The following CPE variants were observed in gnomAD, a reference collection of about 807,000 sequenced individuals.
CPE encodes the protein carbocypeptidase E.
Under a neutral mutation model 53.5 loss-of-function variants are expected in CPE, and 17 were observed. That is an observed-to-expected ratio of 0.32 (90% confidence interval 0.22 to 0.48). The LOEUF is 0.48. CPE is among the 20% of genes least tolerant of loss of function. The probability of loss-of-function intolerance (pLI) is 0.99; values close to 1 mark genes in which losing one functional copy is unlikely to be tolerated. For synonymous variants in CPE, 226 were observed against 228.8 expected, an observed-to-expected ratio of 0.99 and a Z score of 0.11; for missense variants, 524 against 614.7, an observed-to-expected ratio of 0.85 and a Z score of 1.56.
At chr4:165,473,274 A>G (rs547772425) in intron 3 of CPE, among the ~76,000 whole-genome samples, 2 of 152,352 alleles carry the variant, frequency 1.3e-5, no homozygotes, top group Admixed American at 6.5e-5. Context: ...AGAATTTACC[A>G]TACAAGATCC....
At chr4:165,433,460 A>G (rs946686390) in intron 1 of CPE, among the ~76,000 whole-genome samples, 4 of 152,176 alleles carry the variant, frequency 2.6e-5, no homozygotes, top group Non-Finnish European at 4.4e-5. Flanking sequence ...GACTACCACA[A>G]TATCCTCTGA....
chr4:165,431,710 A>T (rs1731411944), intron 1 of CPE, among the ~76,000 whole-genome samples: 1 of 152,142 alleles, frequency 6.6e-6, no homozygotes, highest in African/African-American at 2.4e-5. Context: ...AACTTTTGGA[A>T]CTTTTTGGCA....
chr4:165,479,166 T>A (rs1463402796), intron 3 of CPE, among the ~76,000 whole-genome samples: 2 of 152,206 alleles, frequency 1.3e-5, no homozygotes, highest in Non-Finnish European at 2.9e-5. Flanking sequence ...ATAATATTCA[T>A]GTCATGTTAG....
chr4:165,468,099 A>G (rs1732140775), intron 3 of CPE, among the ~76,000 whole-genome samples: 1 of 152,142 alleles, frequency 6.6e-6, no homozygotes, highest in Admixed American at 6.5e-5. Context: ...TAGGTTTCTT[A>G]GAAAATCACC....
chr4:165,468,342 T>C (rs1274583830), intron 3 of CPE, among the ~76,000 whole-genome samples: 1 of 152,144 alleles, frequency 6.6e-6, no homozygotes, highest in Admixed American at 6.5e-5. Flanking sequence ...CGTTATTTGC[T>C]TCCCTGGGCT....
chr4:165,387,151 G>T (rs1730606941), intron 1 of CPE, among the ~76,000 whole-genome samples: 1 of 152,164 alleles, frequency 6.6e-6, no homozygotes, highest in Non-Finnish European at 1.5e-5. Context: ...TAAGAGAAGA[G>T]CCTGTTTGTG....
intron 1 of CPE, among the ~76,000 whole-genome samples, chr4:165,440,013 C>T (rs1449489152): frequency 6.6e-6 from 1 of 152,196 alleles, no homozygotes; most frequent in Non-Finnish European, 1.5e-5. Context: ...CAAAGATCAT[C>T]ATTTGCATAG....
At chr4:165,464,322 T>C in intron 1 of CPE, 68 bp from the exon 2 acceptor site, 1 of 1,210,022 alleles carries the variant, frequency 8.3e-7, no homozygotes, top group Non-Finnish European at 1.1e-6. Context: ...AATACATTTG[T>C]AGGTATACAA....
chr4:165,383,563 A>G (rs564557716), intron 1 of CPE, among the ~76,000 whole-genome samples: 23 of 152,320 alleles, frequency 1.5e-4, no homozygotes, highest in African/African-American at 5.5e-4. Flanking sequence ...TATCTCAAAA[A>G]CATTCTTTAG....
chr4:165,447,481 G>GA (rs1280183587), intron 1 of CPE, among the ~76,000 whole-genome samples: 2 of 151,780 alleles, frequency 1.3e-5, no homozygotes, highest in Non-Finnish European at 2.9e-5. Flanking sequence ...TGAGGCAGGA[G>GA]AATCACTTGA....
intron 5 of CPE, 69 bp from the exon 6 acceptor site, chr4:165,487,369 G>T (rs1477743767): frequency 1.3e-6 from 2 of 1,587,476 alleles, no homozygotes; most frequent in African/African-American, 2.7e-5. Flanking sequence ...TCTTGATTCA[G>T]AAGACTAGCC....
At chr4:165,438,274 G>A (rs1165558354) in intron 1 of CPE, among the ~76,000 whole-genome samples, 1 of 152,072 alleles carries the variant, frequency 6.6e-6, no homozygotes, top group South Asian at 2.1e-4. Flanking sequence ...CAATATTGGC[G>A]AAGTTTGATA....
At chr4:165,385,833 C>G (rs1254863028) in intron 1 of CPE, among the ~76,000 whole-genome samples, 6 of 152,158 alleles carry the variant, frequency 3.9e-5, no homozygotes, top group African/African-American at 1.2e-4. Context: ...GGCAATCTGA[C>G]TTATTTTCCT....
intron 1 of CPE, among the ~76,000 whole-genome samples, chr4:165,432,416 C>T (rs1212250093): frequency 2.0e-5 from 3 of 152,186 alleles, no homozygotes; most frequent in African/African-American, 7.2e-5. Flanking sequence ...CCACCTCAGC[C>T]TCCCCATTAG....
chr4:165,441,134 A>G (rs1731602830), intron 1 of CPE, among the ~76,000 whole-genome samples: 1 of 152,192 alleles, frequency 6.6e-6, no homozygotes, highest in Non-Finnish European at 1.5e-5. Context: ...GGGTTTGCTC[A>G]GGATGGCCCC....
At chr4:165,423,625 CATTTT>C (rs71602589) in intron 1 of CPE, among the ~76,000 whole-genome samples, 44,468 of 150,834 alleles carry the variant, frequency 0.29, 6,583 homozygotes, top group Middle Eastern at 0.39. Flanking sequence ...TATGTTGATT[CATTTT>C]ATTTTATTTT....
At position 165,497,697 on chromosome 4, in the gene CPE, T is replaced by TTTTTTAG; in HGVS notation, c.*87_*88insTTTTTAG. On this transcript the variant is annotated 3_prime_UTR_variant, in exon 9 of 9. Transcript: ENST00000402744. The stretch of plus-strand genomic sequence containing the variant: ...TTTTTTTTAGATTTTGTGCAGTTAA[T>TTTTTTAG]ACTTAACATTGATTTATTTTTTAAT... 1.8e-6 allele frequency: 1 copy of TTTTTTAG among 546,142 alleles called. No individual in the cohort carries two copies. The highest frequency in any genetic ancestry group is 2.9e-6 in the Non-Finnish European group (1 of 344,512). 33.8% of individuals were successfully genotyped at this position (546,142 alleles called of 1,614,324 possible). A position where few individuals can be genotyped will look rare whatever the true frequency, so the allele number is the denominator to read the frequency against.
chr4:165,437,441 T>C (rs1227813429), intron 1 of CPE, among the ~76,000 whole-genome samples: 1 of 152,228 alleles, frequency 6.6e-6, no homozygotes, highest in African/African-American at 2.4e-5. Flanking sequence ...CAACTGAGTT[T>C]CTTGTTGTCA....
chr4:165,385,443 C>CTTTTTTTTT, intron 1 of CPE, among the ~76,000 whole-genome samples: 1 of 107,008 alleles, frequency 9.3e-6, no homozygotes, highest in Non-Finnish European at 1.8e-5. Flanking sequence ...CAAATGTTTG[C>CTTTTTTTTT]TTTTTTTTTT....
Sources: allele counts gnomAD v4.1 joint callset (sites outside exome capture counted in the v4.1 genomes callset), GRCh38; gene constraint gnomAD v4.1.1; transcripts MANE v1.5; gene names NCBI Gene and HGNC (gene_info 2026-07-23, HGNC 2026-07-21).